NCOA2: variants seen among roughly 807,000 people sequenced by gnomAD.
NCOA2 encodes the protein nuclear receptor coactivator 2, also known as class E basic helix-loop-helix protein 75.
NCOA2 carries 21 observed loss-of-function variants against 145.1 expected under a neutral mutation model. That is an observed-to-expected ratio of 0.14 (90% CI 0.10 to 0.21). The LOEUF is 0.21. NCOA2 is among the 10% of genes least tolerant of loss of function. The pLI is 1.00. For missense variants in NCOA2, 1,472 were observed against 1,837.6 expected (o/e 0.80, Z 3.64); for synonymous variants, 619 against 637.5 (o/e 0.97, Z 0.44).
chr8:70,270,305 C>G (rs1185243392), intron 2 of NCOA2, among the ~76,000 whole-genome samples: 1 of 152,174 alleles, frequency 6.6e-6, no homozygotes, highest in East Asian at 1.9e-4. Flanking sequence ...CCCAGCATGG[C>G]CCTCAACTAT....
intron 16 of NCOA2, among the ~76,000 whole-genome samples, chr8:70,129,510 T>C (rs1808839693): frequency 6.6e-6 from 1 of 152,108 alleles, no homozygotes; most frequent in Admixed American, 6.5e-5. Flanking sequence ...TAGTACATGG[T>C]GGGGTCCAAT....
At chr8:70,164,369 A>C (rs1813383329) in intron 7 of NCOA2, among the ~76,000 whole-genome samples, 1 of 152,236 alleles carries the variant, frequency 6.6e-6, no homozygotes, top group African/African-American at 2.4e-5. Flanking sequence ...TGTTGTCAAA[A>C]AACTTAAGTA....
At chr8:70,175,803 C>T (rs1220698797) in intron 4 of NCOA2, among the ~76,000 whole-genome samples, 1 of 151,908 alleles carries the variant, frequency 6.6e-6, no homozygotes, top group African/African-American at 2.4e-5. Flanking sequence ...TGTAATTAAA[C>T]GTAGAAATAG....
At chr8:70,182,297 T>C (rs1745265396) in intron 4 of NCOA2, among the ~76,000 whole-genome samples, 1 of 152,192 alleles carries the variant, frequency 6.6e-6, no homozygotes, top group South Asian at 2.1e-4. Flanking sequence ...CCCTTCAGCA[T>C]GAAGAAATAG....
At chr8:70,329,011 A>G (rs1484543433) in intron 1 of NCOA2, among the ~76,000 whole-genome samples, 1 of 152,122 alleles carries the variant, frequency 6.6e-6, no homozygotes, top group African/African-American at 2.4e-5. Flanking sequence ...GCTGGAGTGC[A>G]GTGGCATGAT....
chr8:70,221,422 A>T (rs1183304038), intron 2 of NCOA2, among the ~76,000 whole-genome samples: 2 of 152,192 alleles, frequency 1.3e-5, no homozygotes, highest in Non-Finnish European at 2.9e-5. Flanking sequence ...CTGTGTTCCA[A>T]GAGCGATCCC....
chr8:70,312,153 G>A (rs1042616144), intron 1 of NCOA2, among the ~76,000 whole-genome samples: 1 of 152,158 alleles, frequency 6.6e-6, no homozygotes, highest in Non-Finnish European at 1.5e-5. Context: ...GAGATTTCCA[G>A]AAACAAGCCA....
intron 1 of NCOA2, among the ~76,000 whole-genome samples, chr8:70,343,009 A>G (rs1329426914): frequency 2.6e-5 from 4 of 152,178 alleles, no homozygotes; most frequent in Non-Finnish European, 4.4e-5. Flanking sequence ...CTTATATTCT[A>G]TTTCACTACA....
intron 4 of NCOA2, among the ~76,000 whole-genome samples, 178 bp downstream of exon 4, chr8:70,213,725 C>A (rs988026336): frequency 1.3e-5 from 2 of 152,142 alleles, no homozygotes; most frequent in East Asian, 1.9e-4. Flanking sequence ...GAATTTTATA[C>A]AAAGCCTATT....
chr8:70,402,981 G>GC (rs1323843880), intron 1 of NCOA2, among the ~76,000 whole-genome samples: 15 of 111,484 alleles, frequency 1.3e-4, no homozygotes, highest in East Asian at 2.7e-4. Context: ...GGCGCCCCTC[G>GC]CCCCCCACCC....
At chr8:70,205,658 C>T (rs1347971233) in intron 4 of NCOA2, among the ~76,000 whole-genome samples, 2 of 151,972 alleles carry the variant, frequency 1.3e-5, no homozygotes, top group African/African-American at 2.4e-5. Context: ...GAAACCACAA[C>T]GTGAGAGCCT....
intron 1 of NCOA2, among the ~76,000 whole-genome samples, chr8:70,370,547 T>G (rs575344409): frequency 6.6e-6 from 1 of 152,192 alleles, no homozygotes; most frequent in Non-Finnish European, 1.5e-5. Context: ...TAACTATGAC[T>G]GTGTCTCAGC....
chr8:70,349,812 C>T (rs1022905208), intron 1 of NCOA2, among the ~76,000 whole-genome samples: 1 of 151,954 alleles, frequency 6.6e-6, no homozygotes, highest in African/African-American at 2.4e-5. Flanking sequence ...CAGTCTATAT[C>T]CCATCTTATG....
At chr8:70,146,238 A>G (rs1053663397) in intron 12 of NCOA2, among the ~76,000 whole-genome samples, 9 of 152,216 alleles carry the variant, frequency 5.9e-5, no homozygotes, top group African/African-American at 2.2e-4. Context: ...TACTTTTCAA[A>G]GTACAGCTTC....
At chr8:70,405,701 G>T (rs1291407916), upstream of NCOA2, among the ~76,000 whole-genome samples, 1 of 147,968 alleles carries the variant, frequency 6.8e-6, no homozygotes, top group Non-Finnish European at 1.5e-5. Flanking sequence ...TTAAAAAAAA[G>T]ATTCTCCTTC....
At chr8:70,354,020 T>A (rs1346742596) in intron 1 of NCOA2, among the ~76,000 whole-genome samples, 1 of 152,158 alleles carries the variant, frequency 6.6e-6, no homozygotes, top group Non-Finnish European at 1.5e-5. Context: ...GTTGTAACTA[T>A]CAAATGAAAC....
intron 15 of NCOA2, 139 bp downstream of exon 15, chr8:70,138,064 C>CCCT: frequency 1.2e-6 from 1 of 829,758 alleles, no homozygotes; most frequent in African/African-American, 1.7e-5. Flanking sequence ...CTGGATTCAC[C>CCCT]CCTCCTCTTC....
intron 14 of NCOA2, among the ~76,000 whole-genome samples, chr8:70,140,957 A>G (rs1186726246): frequency 6.6e-6 from 1 of 152,120 alleles, no homozygotes; most frequent in Non-Finnish European, 1.5e-5. Context: ...GAAATTAGGT[A>G]ATTTAGTAAA....
chr8:70,353,855 C>T (rs1022021412), intron 1 of NCOA2, among the ~76,000 whole-genome samples: 11 of 152,088 alleles, frequency 7.2e-5, no homozygotes, highest in African/African-American at 2.7e-4. Flanking sequence ...CCCATTAAGA[C>T]CTTTAGATAT....
Sources: gnomAD v4.1 joint callset for allele counts (sites outside exome capture counted in the v4.1 genomes callset) on GRCh38, gnomAD v4.1.1 for gene constraint, MANE v1.5 for transcripts, NCBI Gene and HGNC (gene_info 2026-07-23, HGNC 2026-07-21) for gene names.